DIPK1A: variants seen among roughly 807,000 people sequenced by gnomAD.
DIPK1A encodes family with sequence similarity 69 member A.
Under a neutral mutation model 40.8 loss-of-function variants are expected in DIPK1A, and 27 were observed. The ratio of observed to expected loss-of-function variants is 0.66; its 90% CI spans 0.49 to 0.91. DIPK1A has a LOEUF of 0.91. Ranked by LOEUF, DIPK1A falls within the 40% of genes least tolerant of loss-of-function variation. The pLI, the probability that DIPK1A is intolerant of heterozygous loss-of-function variation, is 0.00. For missense variants in DIPK1A, 412 were observed against 505.7 expected, an observed-to-expected ratio of 0.81 and a Z score of 1.78; for synonymous variants, 166 against 171.3, an observed-to-expected ratio of 0.97 and a Z score of 0.24.
intron 1 of DIPK1A, among the ~76,000 whole-genome samples, chr1:92,939,182 G>A (rs918912504): frequency 6.6e-6 from 1 of 152,178 alleles, no homozygotes; most frequent in African/African-American, 2.4e-5. Flanking sequence ...GATTACAGGT[G>A]TGAGTCACCA....
intron 1 of DIPK1A, among the ~76,000 whole-genome samples, chr1:92,902,471 G>A (rs1473921632): frequency 6.6e-6 from 1 of 152,192 alleles, no homozygotes; most frequent in Non-Finnish European, 1.5e-5. Context: ...CCGGCTCCAA[G>A]ATGGCATAGT....
At position 92,843,777 on chromosome 1, in the gene DIPK1A, T is replaced by C. The variant is rs1687477844; in HGVS notation, c.893A>G (p.Lys298Arg). The change falls in exon 5 of 5, where the codon AAA (lysine) becomes AGA (arginine). Residue 298 changes from lysine to arginine, a missense_variant. Physicochemically the swap from Lys to Arg is conservative, Grantham distance 26 (BLOSUM62 2). Coordinates refer to ENST00000370310, the MANE Select transcript of DIPK1A (RefSeq NM_001006605.5). ...GNFLMCDTSA[K>R]NLGYNDKYDL... Reference sequence around the variant, plus strand: ...ATACTTATCATTATATCCTAGGTTTTTGGCACTAGTATCGCACATGAGGAA... The same window carrying C: ...ATACTTATCATTATATCCTAGGTTTCTGGCACTAGTATCGCACATGAGGAA... 9 of 1,551,940 alleles carry C rather than the reference T, an allele frequency of 5.8e-6. No individual in the cohort carries two copies. The highest frequency in any genetic ancestry group is 7.0e-6 in the Non-Finnish European group (8 of 1,147,040).
chr1:92,959,695 C>G (rs1651985710), intron 1 of DIPK1A, among the ~76,000 whole-genome samples: 1 of 151,286 alleles, frequency 6.6e-6, no homozygotes, highest in African/African-American at 2.4e-5. Context: ...TCGTGATCCG[C>G]CCGCCTCGGC....
chr1:92,933,964 G>C (rs1199397655), intron 1 of DIPK1A: 1 of 152,196 alleles, frequency 6.6e-6, no homozygotes, highest in Non-Finnish European at 1.5e-5. Flanking sequence ...AGTTGTTGCA[G>C]CAATCTAGGC....
intron 2 of DIPK1A, among the ~76,000 whole-genome samples, chr1:92,858,573 T>C (rs1207245087): frequency 6.6e-6 from 1 of 152,170 alleles, no homozygotes; most frequent in Admixed American, 6.5e-5. Context: ...TAATATTTAA[T>C]ACTTTTTTTT....
rs148916481 is a variant in DIPK1A at position 92,860,646 on chromosome 1, A to AAAAAAAAAAAAATAGCCAGGTG, written c.190-9692_190-9691insCACCTGGCTATTTTTTTTTTTT. Among the ~76,000 whole-genome samples the AAAAAAAAAAAAATAGCCAGGTG allele has an allele frequency of 7.6e-4, 80 of 105,208 alleles. 11 individuals carry two copies. The highest frequency in any genetic ancestry group is 8.7e-4 in the East Asian group (3 of 3,434). 69.0% of individuals were successfully genotyped at this position (105,208 alleles called of 152,430 possible). A position where few individuals can be genotyped will look rare whatever the true frequency, so the allele number is the denominator to read the frequency against. On this transcript the variant is annotated intron_variant, in intron 2 of 4. Transcript: ENST00000370310. Reference sequence around the variant, plus strand: ...TTCTACTAAAAAAAAAAAAAAAAAAATGGTGGTGTGCACCTTAGTCCCAGC... The same window carrying AAAAAAAAAAAAATAGCCAGGTG: ...TTCTACTAAAAAAAAAAAAAAAAAAAAAAAAAAAAAAATAGCCAGGTGTGGTGGTGTGCACCTTAGTCCCAGC...
At chr1:92,884,474 AC>A (rs1421309490) in intron 1 of DIPK1A, among the ~76,000 whole-genome samples, 4 of 151,918 alleles carry the variant, frequency 2.6e-5, no homozygotes, top group Non-Finnish European at 5.9e-5. Context: ...ACAAAAAAAA[AC>A]AACTCCTTGA....
chr1:92,833,218 T>C (rs1686981107), intron 4 of DIPK1A: 2 of 656,144 alleles, frequency 3.0e-6, no homozygotes, highest in Admixed American at 5.2e-5. Context: ...ACATGGAAGG[T>C]AGAGGAAAAA....
chr1:92,872,915 C>T (rs748761951), intron 2 of DIPK1A, among the ~76,000 whole-genome samples: 1 of 152,186 alleles, frequency 6.6e-6, no homozygotes, highest in Non-Finnish European at 1.5e-5. Context: ...TCTGCAGAGC[C>T]CCGGGAATTG....
At chr1:92,875,491 C>T (rs538717610) in intron 2 of DIPK1A, among the ~76,000 whole-genome samples, 24 of 152,038 alleles carry the variant, frequency 1.6e-4, no homozygotes, top group East Asian at 5.8e-4. Flanking sequence ...TCAAGGAGGG[C>T]GGATCACTTG....
intron 1 of DIPK1A, among the ~76,000 whole-genome samples, chr1:92,902,536 T>TAG (rs1441005849): frequency 3.9e-5 from 6 of 152,196 alleles, no homozygotes; most frequent in Non-Finnish European, 8.8e-5. Context: ...TCTTCATCTA[T>TAG]AGGGAGACCA....
intron 1 of DIPK1A, among the ~76,000 whole-genome samples, chr1:92,922,500 A>C (rs1254234260): frequency 6.6e-6 from 1 of 152,158 alleles, no homozygotes; most frequent in Non-Finnish European, 1.5e-5. Flanking sequence ...TTTTAAGTGT[A>C]ATCCAGATGC....
chr1:92,846,794 TA>T (rs370192302), intron 4 of DIPK1A, among the ~76,000 whole-genome samples: 1,206 of 3,400 alleles, frequency 0.35, 54 homozygotes, highest in East Asian at 0.5. Flanking sequence ...ACTCCTGGCA[TA>T]TATATATATA....
At chr1:92,887,754 A>G (rs930061547) in intron 1 of DIPK1A, among the ~76,000 whole-genome samples, 3 of 152,198 alleles carry the variant, frequency 2.0e-5, no homozygotes, top group Non-Finnish European at 4.4e-5. Context: ...CAAGAATTCT[A>G]TAAGTAGGGG....
intron 1 of DIPK1A, among the ~76,000 whole-genome samples, chr1:92,956,554 T>C (rs1048687416): frequency 1.1e-4 from 17 of 152,192 alleles, no homozygotes; most frequent in Admixed American, 3.3e-4. Context: ...AGATTTAAAA[T>C]AATCCTGGAG....
At chr1:92,901,804 C>T (rs1439555602) in intron 1 of DIPK1A, among the ~76,000 whole-genome samples, 2 of 152,038 alleles carry the variant, frequency 1.3e-5, no homozygotes, top group African/African-American at 2.4e-5. Context: ...ACTATATACC[C>T]CAAGGAGAGG....
downstream of DIPK1A, chr1:92,837,436 T>C: frequency 6.2e-7 from 1 of 1,606,490 alleles, no homozygotes; most frequent in Non-Finnish European, 8.5e-7. Flanking sequence ...TATACTAAAA[T>C]ATGAATAACT....
chr1:92,853,608 G>A lies in DIPK1A; in HGVS notation c.190-2653C>T, dbSNP rs369310494. ...GTCTTAATTTACAGCATCCTTATGA[G>A]GATTAAATAGTGTAAGTATAGACCA... On this transcript the variant is annotated intron_variant, in intron 2 of 4. Transcript: ENST00000370310. Among the ~76,000 whole-genome samples, 7 of 152,138 alleles carry A rather than the reference G, an allele frequency of 4.6e-5. No individual in the cohort carries two copies. In the East Asian group the frequency reaches 1.2e-3, roughly 25 times the overall value.
intron 3 of DIPK1A, among the ~76,000 whole-genome samples, chr1:92,849,348 G>GTTTTTTTTTTT (rs71586765): frequency 2.8e-5 from 4 of 144,372 alleles, no homozygotes; most frequent in African/African-American, 5.2e-5. Flanking sequence ...GTTTTTTTTT[G>GTTTTTTTTTTT]TTTTTTTTTT....
Sources: gnomAD v4.1 joint callset for allele counts (sites outside exome capture counted in the v4.1 genomes callset) on GRCh38, gnomAD v4.1.1 for gene constraint, MANE v1.5 for transcripts, NCBI Gene and HGNC (gene_info 2026-07-23, HGNC 2026-07-21) for gene names.